Variants in PKD2L1 observed in about 807,000 individuals in gnomAD.
PKD2L1 encodes polycystin-2-like protein 1.
Under a neutral mutation model 93.0 loss-of-function variants are expected in PKD2L1, and 77 were observed. That is an observed-to-expected ratio of 0.83 (90% CI 0.69 to 1.00). PKD2L1 has a LOEUF of 1.00. Ranked by LOEUF, PKD2L1 falls within the 50% of genes least tolerant of loss-of-function variation. PKD2L1 has a pLI of 0.00. For missense variants in PKD2L1, 977 were observed against 990.9 expected, an observed-to-expected ratio of 0.99 and a Z score of 0.19; for synonymous variants, 390 against 388.0, an observed-to-expected ratio of 1.01 and a Z score of -0.06.
chr10:100,317,349 G>C (rs912237505), intron 2 of PKD2L1, among the ~76,000 whole-genome samples: 4 of 151,874 alleles, frequency 2.6e-5, no homozygotes, highest in Admixed American at 2.6e-4. Flanking sequence ...AGACCAGCCT[G>C]GGCAACATAA....
intron 2 of PKD2L1, among the ~76,000 whole-genome samples, chr10:100,316,358 G>A (rs1849101535): frequency 6.6e-6 from 1 of 152,222 alleles, no homozygotes; most frequent in Non-Finnish European, 1.5e-5. Flanking sequence ...TTTTAGTAGA[G>A]ATGGGGTTTC....
chr10:100,297,543 G>A lies in PKD2L1; in HGVS notation c.795C>T (p.Tyr265=), dbSNP rs772274497. 22 of 1,614,008 alleles carry A rather than the reference G, an allele frequency of 1.4e-5. No homozygotes were observed. Among genetic ancestry groups the A allele is most frequent in the Non-Finnish European group, 1.5e-5 (18 of 1,180,034 alleles). Residue 265 remains tyrosine, a synonymous_variant, in exon 5 of 16, where the codon TAC becomes TAT. Coordinates refer to ENST00000318222, the MANE Select transcript of PKD2L1 (RefSeq NM_016112.3). ...GFSHWGRLTS[Y]SGGGYYLDLP... ...GGTCCAGGTAGTAGCCACCTCCGCT[G>A]TAGCTTGTGAGCCTGCCCCAGTGGG...
chr10:100,294,585 C>G lies in PKD2L1; in HGVS notation c.1609G>C (p.Gly537Arg). 6.2e-7 allele frequency: 1 copy of G among 1,613,998 alleles called. No homozygotes were observed. The change falls in exon 9 of 16, where the codon GGC becomes CGC. Residue 537 changes from glycine to arginine, a missense_variant. Physicochemically the swap from Gly to Arg is moderately radical, Grantham distance 125 (BLOSUM62 -2). Coordinates refer to ENST00000318222, the MANE Select transcript of PKD2L1 (RefSeq NM_016112.3). Reference protein sequence around the residue: ...NAIDNANRILGPAYFVTYVFF... With the variant: ...NAIDNANRILRPAYFVTYVFF... The stretch of plus-strand genomic sequence containing the variant: ...ACATAGGTGACAAAGTAGGCAGGGC[C>G]CAGGATGCGGTTGGCATTGTCGATA...
At chr10:100,313,712 T>C (rs1242399637) in intron 2 of PKD2L1, among the ~76,000 whole-genome samples, 1 of 152,218 alleles carries the variant, frequency 6.6e-6, no homozygotes, top group African/African-American at 2.4e-5. Flanking sequence ...GTTATATCTA[T>C]CTACCCTCAA....
At chr10:100,328,012 C>T (rs1849415316) in intron 2 of PKD2L1, among the ~76,000 whole-genome samples, 1 of 152,170 alleles carries the variant, frequency 6.6e-6, no homozygotes, top group Non-Finnish European at 1.5e-5. Context: ...GATTTATGCA[C>T]CCTGACAAGA....
At chr10:100,313,958 T>A (rs984816854) in intron 2 of PKD2L1, among the ~76,000 whole-genome samples, 1 of 152,212 alleles carries the variant, frequency 6.6e-6, no homozygotes, top group Non-Finnish European at 1.5e-5. Flanking sequence ...ATTTAAGTAA[T>A]TAATAGTTGC....
rs374005430 is a variant in PKD2L1, at chr10:100,298,643, C to T, written c.650G>A (p.Arg217Gln). The T allele has an allele frequency of 2.9e-5, 47 of 1,614,006 alleles. No homozygotes were observed. The East Asian group carries it at 3.3e-4, about 11-fold the overall frequency. ...NDSCVVHEDF[R>Q]EDILSCYDVY... ...ATCATAGCAGCTCAGAATGTCCTCC[C>T]GGAAGTCTTCATGCACCACACAGGA... The change falls in exon 4 of 16, where the codon CGG (arginine) becomes CAG (glutamine). Residue 217 changes from arginine (R) to glutamine (Q), a missense_variant. Physicochemically the swap from Arg to Gln is conservative, Grantham distance 43 (BLOSUM62 1). Transcript: ENST00000318222.
rs566362977 is a variant in PKD2L1 at position 100,290,463 on chromosome 10, T to C, written c.2064A>G (p.Gln688=). ...TGGCAGCCTCTGGACCCGATTTGCC[T>C]TGTGGGCTGCTCACAATAGATCGGC... ...KLGRSIVSSP[Q]GKSGPEAARA... Residue 688 remains glutamine, a synonymous_variant, in exon 13 of 16, where the codon CAA becomes CAG. Coordinates refer to ENST00000318222, the MANE Select transcript of PKD2L1 (RefSeq NM_016112.3). 6.2e-6 allele frequency: 10 copies of C among 1,613,716 alleles called. No homozygotes were observed. The highest frequency in any genetic ancestry group is 2.2e-5 in the East Asian group (1 of 44,898).
intron 2 of PKD2L1, among the ~76,000 whole-genome samples, chr10:100,300,163 G>A (rs1360621171): frequency 6.6e-6 from 1 of 152,130 alleles, no homozygotes. Flanking sequence ...TAGAGTTCAA[G>A]GCCTTGGCCA....
chr10:100,310,774 A>G (rs982859880), intron 2 of PKD2L1, among the ~76,000 whole-genome samples: 1 of 152,174 alleles, frequency 6.6e-6, no homozygotes, highest in Admixed American at 6.5e-5. Context: ...CAGTGGCGCA[A>G]TCTCGGCTCA....
At chr10:100,325,550 G>C (rs1157953337) in intron 2 of PKD2L1, among the ~76,000 whole-genome samples, 1 of 152,144 alleles carries the variant, frequency 6.6e-6, no homozygotes, top group Non-Finnish European at 1.5e-5. Flanking sequence ...AGTTCTTGTG[G>C]GGCCGGCACT....
At chr10:100,324,361 G>T (rs557946158) in intron 2 of PKD2L1, among the ~76,000 whole-genome samples, 8 of 152,264 alleles carry the variant, frequency 5.3e-5, no homozygotes, top group African/African-American at 1.9e-4. Context: ...TGGGTTTTAC[G>T]TAAAATGACA....
In PKD2L1 at chr10:100,298,724, TAGTAGATGAAGG is replaced by T. The variant is rs750936026; in HGVS notation, c.557_568del (p.Ser186_Tyr189del). ...CGGAACCCCCAGCAGCATGTTCTCATAGTAGATGAAGGAGTGGGAGCCATGGCCCAGGCTCTG... is the reference window on the plus strand; with the variant it reads ...CGGAACCCCCAGCAGCATGTTCTCATAGTGGGAGCCATGGCCCAGGCTCTG... On this transcript the variant is annotated inframe_deletion, in exon 4 of 16. Coordinates refer to ENST00000318222, the MANE Select transcript of PKD2L1 (RefSeq NM_016112.3). 5 of 1,614,040 alleles carry T rather than the reference TAGTAGATGAAGG, an allele frequency of 3.1e-6. No individual in the cohort carries two copies. The South Asian group carries it at 5.5e-5, about 18-fold the overall frequency.
chr10:100,294,631 G>C lies in PKD2L1; in HGVS notation c.1563C>G (p.Leu521=), dbSNP rs753613040. The C allele has an allele frequency of 1.9e-6, 3 of 1,614,072 alleles. No individual in the cohort carries two copies. The highest frequency in any genetic ancestry group is 2.5e-6 in the Non-Finnish European group (3 of 1,179,996). Residue 521 remains leucine (L), a synonymous_variant, in exon 9 of 16, where the codon CTC becomes CTG. Coordinates refer to ENST00000318222, the MANE Select transcript of PKD2L1 (RefSeq NM_016112.3). The part of the protein sequence containing the change: ...KCIFTQFRII[L]GDFDYNAIDN... ...CGATAGCATTGTAGTCAAAGTCCCC[G>C]AGGATTATCCGGAACTGAGTGAAAC...
At chr10:100,314,263 C>T (rs1053155232) in intron 2 of PKD2L1, among the ~76,000 whole-genome samples, 1 of 151,734 alleles carries the variant, frequency 6.6e-6, no homozygotes, top group African/African-American at 2.4e-5. Context: ...CAGGGAGAGC[C>T]CTTTAAAAAA....
At chr10:100,299,775 A>G in intron 2 of PKD2L1, 57 bp from the exon 3 acceptor site, 1 of 1,534,724 alleles carries the variant, frequency 6.5e-7, no homozygotes. Flanking sequence ...AGGAGACAGG[A>G]AAGCCTATTG....
At chr10:100,298,867 C>G (rs1462417940) in intron 3 of PKD2L1, 52 bp from the exon 4 acceptor site, 1 of 1,565,150 alleles carries the variant, frequency 6.4e-7, no homozygotes. Flanking sequence ...GACCCCCTAC[C>G]TTTAGAATGA....
At position 100,298,644 on chromosome 10, in the gene PKD2L1, G is replaced by A. The variant is rs186268157; in HGVS notation, c.649C>T (p.Arg217Trp). ...TCATAGCAGCTCAGAATGTCCTCCC[G>A]GAAGTCTTCATGCACCACACAGGAG... ...NDSCVVHEDF[R>W]EDILSCYDVY... Residue 217 changes from arginine to tryptophan, a missense_variant, in exon 4 of 16, where the codon CGG (arginine) becomes TGG (tryptophan). By Grantham distance (101) the Arg-to-Trp change is moderately radical. Coordinates refer to ENST00000318222, the MANE Select transcript of PKD2L1 (RefSeq NM_016112.3). The A allele has an allele frequency of 3.3e-5, 53 of 1,614,106 alleles. No homozygotes were observed. Among genetic ancestry groups the A allele is most frequent in the African/African-American group, 1.9e-4 (14 of 75,036 alleles).
In PKD2L1 at chr10:100,294,301, AG is replaced by A. The variant is rs759635933; in HGVS notation, c.1659+233del. Among the ~76,000 whole-genome samples, 180 of 152,196 alleles carry A rather than the reference AG, an allele frequency of 1.2e-3. 1 individual carries two copies. Among genetic ancestry groups the A allele is most frequent in the Non-Finnish European group, 2.0e-3 (138 of 67,994 alleles). ...TCCCCATTTCCATCCTTGGAGAATG[AG>A]GGTTTGATTTTACTGAGGGAGTCTG... On this transcript the variant is annotated intron_variant, in intron 9 of 15. Coordinates refer to ENST00000318222, the MANE Select transcript of PKD2L1 (RefSeq NM_016112.3).
Sources: gnomAD v4.1 joint callset for allele counts (sites outside exome capture counted in the v4.1 genomes callset) on GRCh38, gnomAD v4.1.1 for gene constraint, MANE v1.5 for transcripts, NCBI Gene and HGNC (gene_info 2026-07-23, HGNC 2026-07-21) for gene names.